The following ACOXL variants were observed in gnomAD, a reference collection of about 807,000 sequenced individuals.
The protein encoded by ACOXL is acyl-coenzyme A oxidase-like protein.
A neutral mutation model predicts 71.9 loss-of-function variants in ACOXL; 70 were observed. That is an observed-to-expected ratio of 0.97 (90% CI 0.80 to 1.19). ACOXL has a LOEUF of 1.19. ACOXL is among the 50% of genes most tolerant of loss of function. The pLI is 0.00. For missense variants in ACOXL, 703 were observed against 736.3 expected, an observed-to-expected ratio of 0.95 and a Z score of 0.52; for synonymous variants, 253 against 281.6, an observed-to-expected ratio of 0.90 and a Z score of 1.02.
At chr2:110,869,900 A>G (rs1695059815) in intron 10 of ACOXL, among the ~76,000 whole-genome samples, 1 of 152,200 alleles carries the variant, frequency 6.6e-6, no homozygotes, top group Admixed American at 6.5e-5. Context: ...CCATTGTCAG[A>G]TGGGCCTAAC....
chr2:111,017,180 C>A (rs2064491589), intron 14 of ACOXL, among the ~76,000 whole-genome samples: 1 of 152,212 alleles, frequency 6.6e-6, no homozygotes, highest in Admixed American at 6.5e-5. Flanking sequence ...TGAGGCATTA[C>A]TGGAGGTGGT....
chr2:111,077,518 C>G (rs2067661511), intron 16 of ACOXL, among the ~76,000 whole-genome samples: 1 of 152,208 alleles, frequency 6.6e-6, no homozygotes, highest in African/African-American at 2.4e-5. Flanking sequence ...TTCTGTTGCT[C>G]TTCCTTCGTT....
At chr2:111,091,963 C>T (rs1462809454) in intron 16 of ACOXL, among the ~76,000 whole-genome samples, 1 of 152,118 alleles carries the variant, frequency 6.6e-6, no homozygotes, top group East Asian at 1.9e-4. Context: ...AAATTGTCTT[C>T]TAGTGGGAAG....
intron 13 of ACOXL, among the ~76,000 whole-genome samples, chr2:110,987,427 C>T (rs949499827): frequency 5.9e-5 from 9 of 152,126 alleles, no homozygotes; most frequent in Non-Finnish European, 1.2e-4. Flanking sequence ...CCTTGAGTTC[C>T]TTCTTTATTT....
chr2:110,986,248 T>C (rs991761001), intron 12 of ACOXL, among the ~76,000 whole-genome samples: 1 of 152,246 alleles, frequency 6.6e-6, no homozygotes, highest in Non-Finnish European at 1.5e-5. Context: ...ATATAATCTG[T>C]ATAAAAACAT....
intron 13 of ACOXL, among the ~76,000 whole-genome samples, chr2:110,993,782 G>A (rs542059466): frequency 6.6e-6 from 1 of 152,248 alleles, no homozygotes; most frequent in East Asian, 1.9e-4. Flanking sequence ...CCAGATCCTG[G>A]GCAACACTTG....
chr2:110,913,139 C>T (rs1478600147), intron 11 of ACOXL, among the ~76,000 whole-genome samples: 1 of 152,204 alleles, frequency 6.6e-6, no homozygotes, highest in Non-Finnish European at 1.5e-5. Flanking sequence ...ATAGAAACCT[C>T]ATACATTGCT....
rs965025896 is a variant in ACOXL at position 110,777,493 on chromosome 2, A to G, written c.76-7239A>G. ...TCATAGTAAATGAAGCAGAGGCAGG[A>G]TTCAAGCCAGTTGGCCCAACTCCAC... On this transcript the variant is annotated intron_variant, in intron 2 of 17. Transcript: ENST00000439055. Among the ~76,000 whole-genome samples, 8 of 152,374 alleles carry G rather than the reference A, an allele frequency of 5.3e-5. No homozygotes were observed. In the East Asian group the frequency reaches 1.5e-3, roughly 29 times the overall value.
intron 12 of ACOXL, chr2:110,967,699 T>A: frequency 2.5e-6 from 1 of 400,642 alleles, no homozygotes; most frequent in East Asian, 4.2e-5. Context: ...AGTTGGATAT[T>A]TCAACACATT....
chr2:110,835,484 G>T (rs1409081805), intron 9 of ACOXL, among the ~76,000 whole-genome samples: 1 of 152,116 alleles, frequency 6.6e-6, no homozygotes, highest in Non-Finnish European at 1.5e-5. Flanking sequence ...CTGCATCCTT[G>T]CTTGTCAGCA....
intron 16 of ACOXL, among the ~76,000 whole-genome samples, chr2:111,065,802 A>G (rs968985415): frequency 2.0e-5 from 3 of 152,254 alleles, no homozygotes; most frequent in African/African-American, 7.2e-5. Context: ...GATTAAAACC[A>G]TAATAAGATG....
At chr2:111,023,428 T>C (rs2064870048) in intron 14 of ACOXL, among the ~76,000 whole-genome samples, 1 of 152,184 alleles carries the variant, frequency 6.6e-6, no homozygotes, top group African/African-American at 2.4e-5. Flanking sequence ...CCCTCAGGTT[T>C]CTGCTCATCC....
chr2:110,889,080 C>A (rs1697648536), intron 10 of ACOXL, among the ~76,000 whole-genome samples: 2 of 152,184 alleles, frequency 1.3e-5, no homozygotes, highest in African/African-American at 4.8e-5. Flanking sequence ...TTTTGTCTTG[C>A]ATTTCAGAAG....
chr2:111,045,098 T>C (rs1035043578), intron 15 of ACOXL, among the ~76,000 whole-genome samples: 8 of 152,178 alleles, frequency 5.3e-5, no homozygotes, highest in Non-Finnish European at 1.2e-4. Flanking sequence ...TAGGCGCAGT[T>C]GAGACATGTT....
intron 12 of ACOXL, among the ~76,000 whole-genome samples, chr2:110,977,645 G>T (rs958939496): frequency 6.6e-6 from 1 of 152,134 alleles, no homozygotes; most frequent in African/African-American, 2.4e-5. Context: ...GAAACCAGAT[G>T]TTGCAGCATC....
chr2:111,074,596 CTT>C lies in ACOXL; in HGVS notation c.1441-18266_1441-18265del, dbSNP rs1200752225. 4.0e-5 allele frequency among the ~76,000 whole-genome samples: 6 copies of C among 151,218 alleles called. No homozygotes were observed. In the East Asian group the frequency reaches 1.2e-3, roughly 29 times the overall value. On this transcript the variant is annotated intron_variant, in intron 16 of 17. Coordinates refer to ENST00000439055, the MANE Select transcript of ACOXL (RefSeq NM_001142807.4). ...TTGTTAATATGATAAATAACAATGTCTTTTGATTTTTTTTTGGAAACCAGGTC... is the reference window on the plus strand; with the variant it reads ...TTGTTAATATGATAAATAACAATGTCTTGATTTTTTTTTGGAAACCAGGTC...
chr2:111,016,783 A>G (rs2064464506), intron 14 of ACOXL: 1 of 152,722 alleles, frequency 6.5e-6, no homozygotes, highest in African/African-American at 2.4e-5. Flanking sequence ...AGCCAGGGTC[A>G]CAGAAGCCTG....
chr2:110,939,137 C>T (rs1003378358), intron 12 of ACOXL, among the ~76,000 whole-genome samples: 3 of 152,210 alleles, frequency 2.0e-5, no homozygotes, highest in Non-Finnish European at 4.4e-5. Context: ...CCTGTGAAAT[C>T]TTTTTCCTCT....
intron 12 of ACOXL, among the ~76,000 whole-genome samples, chr2:110,950,912 G>C (rs2061310762): frequency 6.6e-6 from 1 of 151,322 alleles, no homozygotes; most frequent in Non-Finnish European, 1.5e-5. Context: ...GTGCTAGAGG[G>C]TCTCTCTCTC....
Sources: allele counts gnomAD v4.1 joint callset (sites outside exome capture counted in the v4.1 genomes callset), GRCh38; gene constraint gnomAD v4.1.1; transcripts MANE v1.5; gene names NCBI Gene and HGNC (gene_info 2026-07-23, HGNC 2026-07-21).